FGGY: variants seen among roughly 807,000 people sequenced by gnomAD.
The protein encoded by FGGY is FGGY carbohydrate kinase domain-containing protein.
Under a neutral mutation model 71.3 loss-of-function variants are expected in FGGY, and 72 were observed. The observed-to-expected ratio is 1.01, with a 90% confidence interval of 0.84 to 1.23. The LOEUF is 1.23. FGGY is among the 50% of genes most tolerant of loss of function. The pLI, the probability that FGGY is intolerant of heterozygous loss-of-function variation, is 0.00. For missense variants in FGGY, 668 were observed against 682.3 expected (o/e 0.98, Z 0.23); for synonymous variants, 251 against 250.3 (o/e 1.00, Z -0.02).
intron 14 of FGGY, among the ~76,000 whole-genome samples, chr1:59,718,521 A>G (rs572481588): frequency 6.6e-6 from 1 of 152,262 alleles, no homozygotes; most frequent in South Asian, 2.1e-4. Flanking sequence ...TGTTTGTTAA[A>G]CACAACTTGT....
intron 5 of FGGY, among the ~76,000 whole-genome samples, chr1:59,444,703 A>C (rs1373026159): frequency 6.6e-6 from 1 of 152,126 alleles, no homozygotes; most frequent in Non-Finnish European, 1.5e-5. Context: ...CCCTATTGTG[A>C]ACTGCGCATG....
rs1047822373 is a variant in FGGY at position 59,686,387 on chromosome 1, C to G, written c.1512+12254C>G. The stretch of plus-strand genomic sequence containing the variant: ...AAGGGCAACAGATGTTGAAGCATAT[C>G]AAATATCAGTAAACAGCAAGCCACA... On this transcript the variant is annotated intron_variant, in intron 14 of 15. Transcript: ENST00000303721. Among the ~76,000 whole-genome samples, 8 of 152,170 alleles carry G rather than the reference C, an allele frequency of 5.3e-5. No homozygotes were observed. The South Asian group carries it at 1.7e-3, about 32-fold the overall frequency.
intron 6 of FGGY, among the ~76,000 whole-genome samples, chr1:59,466,695 G>T (rs146174329): frequency 1.3e-5 from 2 of 152,138 alleles, no homozygotes; most frequent in Non-Finnish European, 2.9e-5. Flanking sequence ...AGTGGGCAAC[G>T]GATATGAACA....
chr1:59,685,910 A>G (rs1474373591), intron 14 of FGGY, among the ~76,000 whole-genome samples: 1 of 152,220 alleles, frequency 6.6e-6, no homozygotes, highest in African/African-American at 2.4e-5. Flanking sequence ...CAAAACTGGG[A>G]AAAGTGTCAA....
chr1:59,586,926 G>A (rs947876627), intron 8 of FGGY, among the ~76,000 whole-genome samples: 1 of 152,214 alleles, frequency 6.6e-6, no homozygotes, highest in Non-Finnish European at 1.5e-5. Context: ...TCACTAGGGA[G>A]TGCCAGACAG....
chr1:59,722,180 T>TG (rs2100662427), intron 14 of FGGY, among the ~76,000 whole-genome samples: 1 of 151,966 alleles, frequency 6.6e-6, no homozygotes, highest in South Asian at 2.1e-4. Context: ...TTTTTTTTTT[T>TG]CATGATTGGA....
chr1:59,748,879 G>A (rs938391949), intron 14 of FGGY, among the ~76,000 whole-genome samples: 1 of 152,084 alleles, frequency 6.6e-6, no homozygotes, highest in Non-Finnish European at 1.5e-5. Context: ...GATGGGGGCT[G>A]GTCACCAGAA....
At chr1:59,552,047 G>A (rs2095616159) in intron 7 of FGGY, among the ~76,000 whole-genome samples, 1 of 152,200 alleles carries the variant, frequency 6.6e-6, no homozygotes, top group Non-Finnish European at 1.5e-5. Flanking sequence ...GCAAATCAGA[G>A]ATCAGTGAAA....
chr1:59,671,250 C>G (rs1387219453), intron 13 of FGGY, among the ~76,000 whole-genome samples: 2 of 152,278 alleles, frequency 1.3e-5, no homozygotes, highest in East Asian at 3.9e-4. Flanking sequence ...AGGCAGGGAA[C>G]AGATACACAC....
chr1:59,591,003 C>A (rs1164010064), intron 8 of FGGY, among the ~76,000 whole-genome samples: 4 of 152,160 alleles, frequency 2.6e-5, no homozygotes, highest in Non-Finnish European at 5.9e-5. Flanking sequence ...CAAATTGTCC[C>A]TGTTTGCAGA....
At chr1:59,645,364 T>G (rs1444958960) in intron 11 of FGGY, among the ~76,000 whole-genome samples, 1 of 152,122 alleles carries the variant, frequency 6.6e-6, no homozygotes, top group Admixed American at 6.5e-5. Flanking sequence ...GCCAGTAGGA[T>G]CCTGTGTGGC....
chr1:59,527,887 G>GT (rs1044390550), intron 7 of FGGY, among the ~76,000 whole-genome samples: 31 of 152,206 alleles, frequency 2.0e-4, no homozygotes, highest in African/African-American at 7.0e-4. Flanking sequence ...TGACTTATAG[G>GT]TTTTTTTAAT....
chr1:59,465,160 C>T lies in FGGY; in HGVS notation c.670+8084C>T, dbSNP rs112248746. Among the ~76,000 whole-genome samples, 476 of 152,264 alleles carry T rather than the reference C, an allele frequency of 3.1e-3. 2 individuals are homozygous for T. Among genetic ancestry groups the T allele is most frequent in the South Asian group, 0.015 (70 of 4,824 alleles). On this transcript the variant is annotated intron_variant, in intron 6 of 15. Coordinates refer to ENST00000303721, the MANE Select transcript of FGGY (RefSeq NM_018291.5). Reference sequence around the variant, plus strand: ...CCAGCAGCACATCAAAAAGTTTGTCCACCATGATCAAGTTGGTTTCACCCC... The same window carrying T: ...CCAGCAGCACATCAAAAAGTTTGTCTACCATGATCAAGTTGGTTTCACCCC...
intron 11 of FGGY, among the ~76,000 whole-genome samples, chr1:59,646,493 A>T (rs950701932): frequency 2.0e-5 from 3 of 149,972 alleles, no homozygotes; most frequent in African/African-American, 4.9e-5. Flanking sequence ...CTGAAAATAC[A>T]TATTTTTTAT....
At chr1:59,393,899 AGT>A (rs2061003556) in intron 5 of FGGY, among the ~76,000 whole-genome samples, 1 of 152,192 alleles carries the variant, frequency 6.6e-6, no homozygotes, top group Non-Finnish European at 1.5e-5. Flanking sequence ...TTCTGTCAGA[AGT>A]GGGAAGAAGT....
At chr1:59,329,120 G>A (rs11207437) in intron 2 of FGGY, among the ~76,000 whole-genome samples, 22,858 of 152,188 alleles carry the variant, frequency 0.15, 1,806 homozygotes, top group African/African-American at 0.17. Flanking sequence ...TCTGCAAGAT[G>A]CGGTAAAGCA....
intron 14 of FGGY, among the ~76,000 whole-genome samples, chr1:59,709,689 G>C (rs1033514190): frequency 3.3e-5 from 5 of 152,174 alleles, no homozygotes; most frequent in Non-Finnish European, 5.9e-5. Flanking sequence ...GTTCTCAAAT[G>C]TCACTGGAGG....
intron 14 of FGGY, among the ~76,000 whole-genome samples, chr1:59,718,507 C>A (rs1182012530): frequency 3.3e-5 from 5 of 152,166 alleles, no homozygotes; most frequent in African/African-American, 1.2e-4. Flanking sequence ...TGGCTCTCTA[C>A]AAATGTTTGT....
rs956719139 is a variant in FGGY, at chr1:59,535,945, A to G, written c.800-18179A>G. ...GAACTAGAAAAGCAAGAGCAAACAC[A>G]TTCAAAAGCTAGCAGAAGGCAAGAA... On this transcript the variant is annotated intron_variant, in intron 7 of 15. Coordinates refer to ENST00000303721, the MANE Select transcript of FGGY (RefSeq NM_018291.5). Among the ~76,000 whole-genome samples, 35 of 148,418 alleles carry G rather than the reference A, an allele frequency of 2.4e-4. 1 individual carries two copies. The highest frequency in any genetic ancestry group is 4.9e-4 in the Non-Finnish European group (33 of 67,794).
Sources: gnomAD v4.1 joint callset for allele counts (sites outside exome capture counted in the v4.1 genomes callset) on GRCh38, gnomAD v4.1.1 for gene constraint, MANE v1.5 for transcripts, NCBI Gene and HGNC (gene_info 2026-07-23, HGNC 2026-07-21) for gene names.